LRRC4C: variants seen among roughly 807,000 people sequenced by gnomAD.
The protein encoded by LRRC4C is leucine rich repeat containing 4C.
A neutral mutation model predicts 33.6 loss-of-function variants in LRRC4C; 5 were observed. That is an observed-to-expected ratio of 0.15 (90% CI 0.08 to 0.31). The LOEUF is 0.31. LRRC4C is among the 10% of genes least tolerant of loss of function. LRRC4C has a pLI of 1.00. For synonymous variants in LRRC4C, 329 were observed against 302.0 expected (o/e 1.09, Z -0.93); for missense variants, 560 against 796.7 (o/e 0.70, Z 3.58).
At chr11:40,766,558 T>C (rs1165932511) in intron 2 of LRRC4C, among the ~76,000 whole-genome samples, 2 of 151,710 alleles carry the variant, frequency 1.3e-5, no homozygotes, top group East Asian at 3.9e-4. Context: ...TTTTTAAGAC[T>C]CAGACTATAT....
intron 1 of LRRC4C, among the ~76,000 whole-genome samples, chr11:41,136,473 C>G (rs561381738): frequency 6.6e-6 from 1 of 152,114 alleles, no homozygotes; most frequent in Non-Finnish European, 1.5e-5. Flanking sequence ...CACATTAAAT[C>G]ATACATCAAG....
intron 1 of LRRC4C, among the ~76,000 whole-genome samples, chr11:41,044,540 T>A (rs1006483437): frequency 6.6e-6 from 1 of 152,118 alleles, no homozygotes; most frequent in Non-Finnish European, 1.5e-5. Flanking sequence ...AGAACCAAAT[T>A]TGTTAACTGC....
chr11:40,898,296 G>C (rs1055691605), intron 2 of LRRC4C, among the ~76,000 whole-genome samples: 1 of 139,110 alleles, frequency 7.2e-6, no homozygotes. Flanking sequence ...GGAGGTTGTG[G>C]TGGGCAGAGA....
chr11:40,900,729 G>A (rs2136186960), intron 2 of LRRC4C, among the ~76,000 whole-genome samples: 2 of 151,978 alleles, frequency 1.3e-5, no homozygotes. Flanking sequence ...CCCATTGCAA[G>A]TGTACAGAAG....
chr11:40,493,505 A>G (rs952177351), intron 3 of LRRC4C, among the ~76,000 whole-genome samples: 1 of 152,140 alleles, frequency 6.6e-6, no homozygotes. Flanking sequence ...GCGATCACAG[A>G]TGTGCTCATG....
intron 2 of LRRC4C, among the ~76,000 whole-genome samples, chr11:40,776,927 T>G (rs1218780500): frequency 6.6e-6 from 1 of 152,218 alleles, no homozygotes; most frequent in East Asian, 1.9e-4. Context: ...ATGCTATGTC[T>G]CCTTTTTCAC....
chr11:41,303,197 G>T (rs997816407), intron 1 of LRRC4C, among the ~76,000 whole-genome samples: 1 of 146,090 alleles, frequency 6.8e-6, no homozygotes, highest in Admixed American at 7.0e-5. Flanking sequence ...CAACCTCCCT[G>T]CCTGATTCTC....
chr11:40,289,438 A>G (rs976073922), intron 4 of LRRC4C, among the ~76,000 whole-genome samples: 4 of 152,204 alleles, frequency 2.6e-5, no homozygotes, highest in African/African-American at 9.7e-5. Context: ...CATTTGAGGA[A>G]GAAGATATTT....
chr11:40,991,640 C>T (rs888206785), intron 1 of LRRC4C, among the ~76,000 whole-genome samples: 7 of 152,178 alleles, frequency 4.6e-5, no homozygotes, highest in Non-Finnish European at 1.0e-4. Context: ...TGCCACTAGA[C>T]AGTCCCATCT....
At chr11:41,443,671 A>G (rs1955727662) in intron 1 of LRRC4C, among the ~76,000 whole-genome samples, 1 of 147,940 alleles carries the variant, frequency 6.8e-6, no homozygotes, top group South Asian at 2.1e-4. Flanking sequence ...GCTGGAGTGC[A>G]ATGGTGCAAT....
chr11:41,361,543 C>T (rs1952356229), intron 1 of LRRC4C, among the ~76,000 whole-genome samples: 1 of 152,170 alleles, frequency 6.6e-6, no homozygotes, highest in Non-Finnish European at 1.5e-5. Context: ...GTTCTAGTCA[C>T]TAATTTTCTG....
At chr11:40,327,952 T>A (rs1273809791) in intron 3 of LRRC4C, among the ~76,000 whole-genome samples, 1 of 152,102 alleles carries the variant, frequency 6.6e-6, no homozygotes, top group Non-Finnish European at 1.5e-5. Context: ...TGCTTGAGAT[T>A]TTTTTAAAGA....
At chr11:41,456,873 G>A (rs1196248023) in intron 1 of LRRC4C, among the ~76,000 whole-genome samples, 1 of 152,154 alleles carries the variant, frequency 6.6e-6, no homozygotes, top group Non-Finnish European at 1.5e-5. Flanking sequence ...GGCCTGAGCT[G>A]AAAATACAGA....
At chr11:41,375,790 G>C (rs1565623900) in intron 1 of LRRC4C, among the ~76,000 whole-genome samples, 1 of 152,004 alleles carries the variant, frequency 6.6e-6, no homozygotes, top group Non-Finnish European at 1.5e-5. Flanking sequence ...GAATGAGTTT[G>C]AGTTTATCAG....
chr11:41,277,870 T>G (rs1006533026), intron 1 of LRRC4C, among the ~76,000 whole-genome samples: 1 of 152,102 alleles, frequency 6.6e-6, no homozygotes, highest in Admixed American at 6.6e-5. Flanking sequence ...AAGCACACGT[T>G]AGAATCACCT....
intron 1 of LRRC4C, among the ~76,000 whole-genome samples, chr11:41,149,268 G>A (rs1162163859): frequency 6.6e-6 from 1 of 152,130 alleles, no homozygotes; most frequent in Non-Finnish European, 1.5e-5. Flanking sequence ...CACTTTGGGA[G>A]GCCGAGGCGG....
chr11:40,372,767 A>G (rs1243329147), intron 3 of LRRC4C, among the ~76,000 whole-genome samples: 1 of 152,162 alleles, frequency 6.6e-6, no homozygotes, highest in Non-Finnish European at 1.5e-5. Flanking sequence ...TGATCAGAAA[A>G]GCATACTTTG....
intron 3 of LRRC4C, among the ~76,000 whole-genome samples, chr11:40,514,739 C>G (rs1370690563): frequency 6.6e-6 from 1 of 152,018 alleles, no homozygotes; most frequent in East Asian, 1.9e-4. Context: ...TTTCTTCTAT[C>G]TCTTCTCTCA....
intron 1 of LRRC4C, among the ~76,000 whole-genome samples, chr11:41,182,882 T>C (rs1590863947): frequency 1.3e-5 from 2 of 148,884 alleles, no homozygotes; most frequent in African/African-American, 4.9e-5. Flanking sequence ...GTACTTAGAG[T>C]TCCACAAGGC....
Sources: gnomAD v4.1 joint callset for allele counts (sites outside exome capture counted in the v4.1 genomes callset) on GRCh38, gnomAD v4.1.1 for gene constraint, MANE v1.5 for transcripts, NCBI Gene and HGNC (gene_info 2026-07-23, HGNC 2026-07-21) for gene names.